The following RYR2 variants were observed in gnomAD, a reference collection of about 807,000 sequenced individuals.
The protein encoded by RYR2 is cardiac muscle ryanodine receptor-calcium release channel.
A neutral mutation model predicts 601.1 loss-of-function variants in RYR2; 227 were observed. That is an observed-to-expected ratio of 0.38 (90% confidence interval 0.34 to 0.42). The LOEUF (loss-of-function observed/expected upper bound fraction) is 0.42. RYR2 is among the 10% of genes least tolerant of loss of function. RYR2 has a pLI of 1.00. For synonymous variants in RYR2, 2,223 were observed against 2,175.1 expected, an observed-to-expected ratio of 1.02 and a Z score of -0.61; for missense variants, 4,646 against 6,156.5, an observed-to-expected ratio of 0.75 and a Z score of 8.21.
chr1:237,504,210 G>A (rs187323917), intron 22 of RYR2, among the ~76,000 whole-genome samples: 2 of 152,346 alleles, frequency 1.3e-5, no homozygotes, highest in Admixed American at 1.3e-4. Context: ...CAGGCTTTGT[G>A]TGAGCAATAA....
At chr1:237,508,872 A>G (rs1213770099) in intron 23 of RYR2, among the ~76,000 whole-genome samples, 1 of 148,454 alleles carries the variant, frequency 6.7e-6, no homozygotes, top group Non-Finnish European at 1.5e-5. Context: ...CCTCCCGAGT[A>G]GCTGGGACTA....
chr1:237,496,299 T>C (rs1246398606), intron 19 of RYR2, among the ~76,000 whole-genome samples: 2 of 152,194 alleles, frequency 1.3e-5, no homozygotes, highest in Non-Finnish European at 2.9e-5. Context: ...TGCCAGTTAT[T>C]CAGGAGGCTG....
At chr1:237,708,766 G>A in intron 68 of RYR2, 92 bp from the exon 69 acceptor site, 1 of 1,158,656 alleles carries the variant, frequency 8.6e-7, no homozygotes, top group East Asian at 2.5e-5. Context: ...TGGAGAAGGA[G>A]GCTTTAATTA....
At chr1:237,346,780 C>T (rs1572676650) in intron 3 of RYR2, among the ~76,000 whole-genome samples, 1 of 152,120 alleles carries the variant, frequency 6.6e-6, no homozygotes. Flanking sequence ...ATTTCTTTCT[C>T]GAACTGATGG....
chr1:237,448,830 C>T (rs767803252), intron 14 of RYR2, among the ~76,000 whole-genome samples: 15 of 151,672 alleles, frequency 9.9e-5, no homozygotes, highest in Non-Finnish European at 1.6e-4. Flanking sequence ...TTGGTATTAG[C>T]ATCCTATGAC....
intron 5 of RYR2, among the ~76,000 whole-genome samples, chr1:237,368,461 A>G (rs1425682175): frequency 1.6e-4 from 25 of 152,188 alleles, no homozygotes; most frequent in Admixed American, 1.4e-3. Flanking sequence ...TGTTTGGAGC[A>G]CAGGATGATT....
chr1:237,825,083 T>A, intron 101 of RYR2, among the ~76,000 whole-genome samples: 1 of 152,244 alleles, frequency 6.6e-6, no homozygotes, highest in South Asian at 2.1e-4. Context: ...AAAATGGCCA[T>A]ACTGCCCAAA....
Position 237,384,212 on chromosome 1 carries a change from A to G in RYR2, c.577-3069A>G, listed in dbSNP as rs1266507003. On this transcript the variant is annotated intron_variant, in intron 8 of 104. Coordinates refer to ENST00000366574, the MANE Select transcript of RYR2 (RefSeq NM_001035.3). ...CCTTTTCCCACAGACTGAAATTTTC[A>G]TATGCTTATGGTTCTCTCATATTTA... Among the ~76,000 whole-genome samples, 3 of 152,340 alleles carry G rather than the reference A, an allele frequency of 2.0e-5. No individual in the cohort carries two copies. The East Asian group carries it at 5.8e-4, about 29-fold the overall frequency.
chr1:237,556,454 C>T (rs1035304405), intron 27 of RYR2, among the ~76,000 whole-genome samples: 10 of 134,686 alleles, frequency 7.4e-5, no homozygotes, highest in African/African-American at 2.7e-4. Context: ...GCGCCTGCCA[C>T]GAGGCCCGGC....
intron 2 of RYR2, among the ~76,000 whole-genome samples, chr1:237,314,164 A>G (rs1359095295): frequency 6.8e-6 from 1 of 146,320 alleles, no homozygotes; most frequent in East Asian, 2.0e-4. Flanking sequence ...TCCAGGGTTC[A>G]CACCATTCTC....
chr1:237,699,383 A>G (rs1252794831), intron 64 of RYR2, among the ~76,000 whole-genome samples: 2 of 152,108 alleles, frequency 1.3e-5, no homozygotes, highest in Non-Finnish European at 2.9e-5. Context: ...GCTTTTTAGG[A>G]AACAGAGTTT....
intron 6 of RYR2, among the ~76,000 whole-genome samples, chr1:237,373,225 T>C (rs775578292): frequency 6.6e-6 from 1 of 152,208 alleles, no homozygotes; most frequent in Non-Finnish European, 1.5e-5. Context: ...ATTTCTGCTG[T>C]GGCTAAAAAC....
At chr1:237,481,116 A>ATATATATG (rs1486857055) in intron 17 of RYR2, among the ~76,000 whole-genome samples, 4 of 138,082 alleles carry the variant, frequency 2.9e-5, no homozygotes, top group African/African-American at 1.2e-4. Flanking sequence ...ACATATATAT[A>ATATATATG]TATATATATA....
chr1:237,042,677 G>A, intron 1 of RYR2, 108 bp downstream of exon 1: 1 of 1,100,680 alleles, frequency 9.1e-7, no homozygotes, highest in Non-Finnish European at 1.2e-6. Flanking sequence ...CGGGCGGGGC[G>A]AGGGGGTGCC....
At chr1:237,085,570 T>C (rs1572578842) in intron 1 of RYR2, among the ~76,000 whole-genome samples, 1 of 152,244 alleles carries the variant, frequency 6.6e-6, no homozygotes, top group East Asian at 1.9e-4. Context: ...AAGAGTGTAA[T>C]TGGGTGCACG....
Position 237,507,267 on chromosome 1 carries a change from T to C in RYR2, c.2718+453T>C, listed in dbSNP as rs192367663. Reference sequence around the variant, plus strand: ...GAAACCTGTGGGCAAGTGTTCCTAGTTGGTTTCACAGGTAGAATGAAGACT... The same window carrying C: ...GAAACCTGTGGGCAAGTGTTCCTAGCTGGTTTCACAGGTAGAATGAAGACT... On this transcript the variant is annotated intron_variant, in intron 23 of 104. Transcript: ENST00000366574. Among the ~76,000 whole-genome samples the C allele has an allele frequency of 6.6e-5, 10 of 152,370 alleles. No individual in the cohort carries two copies. In the East Asian group the frequency reaches 1.2e-3, roughly 18 times the overall value.
intron 24 of RYR2, among the ~76,000 whole-genome samples, chr1:237,516,912 A>G (rs371619634): frequency 7.2e-5 from 11 of 152,160 alleles, no homozygotes; most frequent in African/African-American, 2.4e-4. Flanking sequence ...CCATCTCCTA[A>G]CTGGTCCTCC....
At chr1:237,228,071 T>C (rs115828347) in intron 1 of RYR2, among the ~76,000 whole-genome samples, 1 of 152,194 alleles carries the variant, frequency 6.6e-6, no homozygotes, top group African/African-American at 2.4e-5. Context: ...GGTACACCCA[T>C]CACCCGAGCA....
intron 12 of RYR2, among the ~76,000 whole-genome samples, chr1:237,437,359 G>A (rs556273143): frequency 5.2e-4 from 79 of 152,136 alleles, no homozygotes; most frequent in Admixed American, 1.4e-3. Context: ...GCCACATCTG[G>A]GTCTATTTTA....
Sources: gnomAD v4.1 joint callset for allele counts (sites outside exome capture counted in the v4.1 genomes callset) on GRCh38, gnomAD v4.1.1 for gene constraint, MANE v1.5 for transcripts, NCBI Gene and HGNC (gene_info 2026-07-23, HGNC 2026-07-21) for gene names.